The following GALNT13 variants were observed in gnomAD, a reference collection of about 807,000 sequenced individuals.
The protein encoded by GALNT13 is UDP-GalNAc:polypeptide N-acetylgalactosaminyltransferase 13.
In GALNT13, 28 loss-of-function variants were observed where a neutral mutation model predicts 64.2. The observed-to-expected ratio is 0.44, with a 90% CI of 0.32 to 0.60. The LOEUF (loss-of-function observed/expected upper bound fraction) is 0.60, where lower values mean the gene tolerates loss of function less well. Among genes scored for constraint, GALNT13 ranks in the 20% least tolerant of loss-of-function variants. The pLI is 0.05. For synonymous variants in GALNT13, 214 were observed against 224.6 expected (o/e 0.95, Z 0.42); for missense variants, 577 against 669.8 (o/e 0.86, Z 1.53).
chr2:153,387,642 A>G, the GALNT13 span, among the ~76,000 whole-genome samples: 900 of 152,234 alleles, frequency 5.9e-3, 9 homozygotes, highest in Non-Finnish European at 7.4e-3. Context: ...TAAGATGCAG[A>G]CAAATGTTTA....
intron 5 of GALNT13, among the ~76,000 whole-genome samples, 180 bp downstream of exon 5, chr2:154,242,376 A>T (rs932001362): frequency 6.6e-6 from 1 of 152,010 alleles, no homozygotes; most frequent in Non-Finnish European, 1.5e-5. Flanking sequence ...ATTAATGCCA[A>T]CTCTAGAAGC....
intron 7 of GALNT13, among the ~76,000 whole-genome samples, chr2:154,256,212 G>A (rs1282810315): frequency 6.6e-6 from 1 of 151,796 alleles, no homozygotes; most frequent in Non-Finnish European, 1.5e-5. Flanking sequence ...AATAGCAGAA[G>A]TAAATGAAGT....
At chr2:154,041,130 A>G (rs1194173388) in intron 3 of GALNT13, among the ~76,000 whole-genome samples, 1 of 140,510 alleles carries the variant, frequency 7.1e-6, no homozygotes, top group African/African-American at 2.4e-5. Context: ...CAGGGATTAT[A>G]TTGTTCTTTG....
the GALNT13 span, among the ~76,000 whole-genome samples, chr2:153,219,195 T>C: frequency 6.6e-6 from 1 of 152,238 alleles, no homozygotes; most frequent in African/African-American, 2.4e-5. Flanking sequence ...CTCTGAATTT[T>C]CTTCAGAAAA....
intron 1 of GALNT13, among the ~76,000 whole-genome samples, chr2:153,890,299 TG>T (rs1687468433): frequency 6.6e-6 from 1 of 152,060 alleles, no homozygotes; most frequent in African/African-American, 2.4e-5. Flanking sequence ...ATGTTATTTA[TG>T]GTTGTATTTT....
the GALNT13 span, among the ~76,000 whole-genome samples, chr2:153,313,007 A>G: frequency 2.6e-4 from 39 of 152,200 alleles, no homozygotes; most frequent in African/African-American, 8.7e-4. Flanking sequence ...CTCCACACCA[A>G]TCGGAATGGC....
chr2:153,210,042 C>T, the GALNT13 span, among the ~76,000 whole-genome samples: 1 of 151,838 alleles, frequency 6.6e-6, no homozygotes, highest in African/African-American at 2.4e-5. Context: ...AATTGTGTAT[C>T]CTTTGACTTT....
intron 3 of GALNT13, among the ~76,000 whole-genome samples, chr2:154,017,474 C>T (rs745340876): frequency 2.6e-5 from 4 of 152,044 alleles, no homozygotes; most frequent in East Asian, 1.9e-4. Flanking sequence ...GAAAATTACA[C>T]GATAAGTACA....
At chr2:153,871,306 A>G (rs143799481), upstream of GALNT13, among the ~76,000 whole-genome samples, 2 of 152,330 alleles carry the variant, frequency 1.3e-5, no homozygotes, top group African/African-American at 2.4e-5. Context: ...GTACTCTTAC[A>G]GTGCGTTCGG....
At chr2:153,821,881 C>T in the GALNT13 span, among the ~76,000 whole-genome samples, 1 of 152,006 alleles carries the variant, frequency 6.6e-6, no homozygotes, top group East Asian at 1.9e-4. Context: ...ATAACCACAA[C>T]CAGAAATGAC....
the GALNT13 span, among the ~76,000 whole-genome samples, chr2:153,216,163 C>T: frequency 6.6e-6 from 1 of 151,992 alleles, no homozygotes; most frequent in Non-Finnish European, 1.5e-5. Flanking sequence ...TATTTCATTA[C>T]TTTTGTATCA....
the GALNT13 span, among the ~76,000 whole-genome samples, chr2:153,318,038 T>C: frequency 6.6e-6 from 1 of 150,638 alleles, no homozygotes; most frequent in Non-Finnish European, 1.5e-5. Context: ...GACCTAAAAA[T>C]AAAAGCTAAA....
chr2:154,340,638 C>T lies in GALNT13; in HGVS notation c.1156+39049C>T, dbSNP rs116533378. Among the ~76,000 whole-genome samples the T allele has an allele frequency of 3.1e-3, 468 of 152,140 alleles. 2 individuals are homozygous for T. The highest frequency in any genetic ancestry group is 5.6e-3 in the Non-Finnish European group (378 of 68,002). On this transcript the variant is annotated intron_variant, in intron 9 of 12. Transcript: ENST00000392825. ...TGAAGAAAAATCATTATACCATCATCCTAAATTTAGATTCAGAACTAGTCC... is the reference window on the plus strand; with the variant it reads ...TGAAGAAAAATCATTATACCATCATTCTAAATTTAGATTCAGAACTAGTCC...
At chr2:153,514,057 AT>A in the GALNT13 span, among the ~76,000 whole-genome samples, 12 of 151,982 alleles carry the variant, frequency 7.9e-5, no homozygotes, top group South Asian at 2.1e-4. Context: ...AAAGTTTTTA[AT>A]TTTTTTTCTC....
chr2:153,969,478 C>CTT (rs1693602998), intron 3 of GALNT13, among the ~76,000 whole-genome samples: 1 of 151,938 alleles, frequency 6.6e-6, no homozygotes, highest in Non-Finnish European at 1.5e-5. Context: ...TATAAAAGAA[C>CTT]TTATAAGTCC....
At chr2:153,281,207 C>T in the GALNT13 span, among the ~76,000 whole-genome samples, 8 of 151,802 alleles carry the variant, frequency 5.3e-5, no homozygotes, top group Admixed American at 3.9e-4. Context: ...TTCATTCTTT[C>T]TTTTTATTTT....
At chr2:153,225,507 A>G in the GALNT13 span, among the ~76,000 whole-genome samples, 34 of 152,298 alleles carry the variant, frequency 2.2e-4, no homozygotes, top group South Asian at 7.0e-3. Context: ...ATAAGACAAG[A>G]AAAAGAAATA....
the GALNT13 span, among the ~76,000 whole-genome samples, chr2:153,078,927 G>T: frequency 6.6e-6 from 1 of 152,172 alleles, no homozygotes; most frequent in South Asian, 2.1e-4. Flanking sequence ...TAGTCATGAT[G>T]TATTTTTATG....
chr2:153,909,617 G>T (rs1688809199), intron 2 of GALNT13, among the ~76,000 whole-genome samples: 1 of 152,030 alleles, frequency 6.6e-6, no homozygotes, highest in South Asian at 2.1e-4. Context: ...TATGTAGCTT[G>T]TTGAGAGTTT....
Sources: gnomAD v4.1 joint callset for allele counts (sites outside exome capture counted in the v4.1 genomes callset) on GRCh38, gnomAD v4.1.1 for gene constraint, MANE v1.5 for transcripts, NCBI Gene and HGNC (gene_info 2026-07-23, HGNC 2026-07-21) for gene names.